The following SON variants were observed in gnomAD, a reference collection of about 807,000 sequenced individuals.
SON encodes the protein SON DNA and RNA binding protein.
A neutral mutation model predicts 173.3 loss-of-function variants in SON; 4 were observed. The ratio of observed to expected loss-of-function variants is 0.02; its 90% CI spans 0.01 to 0.05. The LOEUF (loss-of-function observed/expected upper bound fraction) is 0.05, where lower values mean the gene tolerates loss of function less well. Among genes scored for constraint, SON ranks in the 10% least tolerant of loss-of-function variants. SON has a pLI of 1.00. For missense variants in SON, 2,626 were observed against 3,055.3 expected (o/e 0.86, Z 3.31); for synonymous variants, 1,190 against 1,105.9 (o/e 1.08, Z -1.51).
chr21:33,557,901 A>T, intron 4 of SON: 1 of 234,522 alleles, frequency 4.3e-6, no homozygotes, highest in Non-Finnish European at 8.3e-6. Flanking sequence ...AAACACACTT[A>T]TTTTTGTTTT....
rs768919786 is a variant in SON at position 33,553,739 on chromosome 21, A to C, written c.4508A>C (p.Gln1503Pro). 1.2e-6 allele frequency: 2 copies of C among 1,613,974 alleles called. No homozygotes were observed. The highest frequency in any genetic ancestry group is 8.5e-7 in the Non-Finnish European group (1 of 1,179,876). Residue 1503 changes from glutamine (Q) to proline (P), a missense_variant, in exon 3 of 12, where the codon CAG becomes CCG. Around this residue, in one of 13 missense-constraint regions of SON, gnomAD observed 1,006 missense variants for 895.6 expected, o/e 1.12. Coordinates refer to ENST00000356577, the MANE Select transcript of SON (RefSeq NM_138927.4). ...DQNLAPEIGMQEIALHSGEEP... is the reference protein window; with the variant it reads ...DQNLAPEIGMPEIALHSGEEP... ...AATCTTGCTCCAGAGATTGGCATGCAGGAGATTGCATTGCATTCAGGTGAA... is the reference window on the plus strand; with the variant it reads ...AATCTTGCTCCAGAGATTGGCATGCCGGAGATTGCATTGCATTCAGGTGAA...
chr21:33,544,233 C>T (rs1028366228), intron 1 of SON, among the ~76,000 whole-genome samples: 7 of 152,196 alleles, frequency 4.6e-5, no homozygotes, highest in African/African-American at 1.7e-4. Flanking sequence ...TGTATTATTG[C>T]TAGAATTATC....
At chr21:33,569,389 A>G (rs1404959916) in intron 8 of SON, 1 of 353,084 alleles carries the variant, frequency 2.8e-6, no homozygotes, top group African/African-American at 2.2e-5. Flanking sequence ...GCTGTTCAGA[A>G]TATTCCACAG....
chr21:33,555,374 A>G lies in SON; in HGVS notation c.6143A>G (p.Lys2048Arg). The G allele has an allele frequency of 6.4e-7, 1 of 1,554,264 alleles. No individual in the cohort carries two copies. The highest frequency in any genetic ancestry group is 8.7e-7 in the Non-Finnish European group (1 of 1,147,348). ...SRSSERGRSPKRLTDLDKAQL... is the reference protein window; with the variant it reads ...SRSSERGRSPRRLTDLDKAQL... ...TCTTCTGAACGAGGCAGATCACCCA[A>G]ACGTCTGACAGATTTGGGTGAGTCA... Residue 2048 changes from lysine to arginine, a missense_variant, in exon 3 of 12, where the codon AAA (lysine) becomes AGA (arginine). Transcript: ENST00000356577.
rs1447140164 is a variant in SON at position 33,543,252 on chromosome 21, C to T, written c.77+83C>T. ...TCTTTGGCACCTTTCTTCGGAGACGCAGTCGTTCCCCGGCTCAGGCCCCGC... is the reference window on the plus strand; with the variant it reads ...TCTTTGGCACCTTTCTTCGGAGACGTAGTCGTTCCCCGGCTCAGGCCCCGC... On this transcript the variant is annotated intron_variant, in intron 1 of 11. Coordinates refer to ENST00000356577, the MANE Select transcript of SON (RefSeq NM_138927.4). 2.3e-6 allele frequency: 3 copies of T among 1,317,640 alleles called. No homozygotes were observed. In the East Asian group the frequency reaches 6.9e-5, roughly 30 times the overall value. The allele number at this position is 1,317,640 out of a possible 1,614,324, so 81.6% of individuals were successfully genotyped here.
At chr21:33,557,735 T>C in intron 4 of SON, 1 of 1,415,482 alleles carries the variant, frequency 7.1e-7, no homozygotes, top group East Asian at 2.6e-5. Context: ...CACCGGAGCT[T>C]GGAAATTAAT....
chr21:33,572,611 C>G (rs1441255661), intron 8 of SON: 1 of 1,303,716 alleles, frequency 7.7e-7, no homozygotes, highest in Non-Finnish European at 1.0e-6. Context: ...ATTCACAACA[C>G]TGCTGCTACC....
intron 6 of SON, chr21:33,560,339 C>T (rs2086048163): frequency 7.6e-7 from 1 of 1,310,736 alleles, no homozygotes; most frequent in East Asian, 3.0e-5. Context: ...GCTACCTTGG[C>T]CCTTTTAAAT....
At chr21:33,560,079 A>G (rs960681006) in intron 6 of SON, 2 of 1,614,108 alleles carry the variant, frequency 1.2e-6, no homozygotes, top group Non-Finnish European at 1.7e-6. Flanking sequence ...AGGTACAACT[A>G]TTTAGCTTCC....
chr21:33,556,711 CAAAAA>C (rs375685900), intron 3 of SON, among the ~76,000 whole-genome samples: 2 of 102,658 alleles, frequency 1.9e-5, no homozygotes, highest in Admixed American at 9.9e-5. Context: ...GAGACTGTCT[CAAAAA>C]AAAAAAAAAA....
In SON at chr21:33,553,486, G is replaced by C. The variant is rs745396554; in HGVS notation, c.4255G>C (p.Val1419Leu). The C allele has an allele frequency of 4.3e-6, 7 of 1,614,224 alleles. No homozygotes were observed. The Admixed American group carries it at 8.3e-5, about 19-fold the overall frequency. Reference sequence around the variant, plus strand: ...TTCTGCGCTGGAGCCTTCTGTGCCTGTTCTGGAACCAGCGGTGTCAGTCCT... The same window carrying C: ...TTCTGCGCTGGAGCCTTCTGTGCCTCTTCTGGAACCAGCGGTGTCAGTCCT... ...VVSALEPSVPVLEPAVSVLQP... is the reference protein window; with the variant it reads ...VVSALEPSVPLLEPAVSVLQP... Residue 1419 changes from valine to leucine, a missense_variant, in exon 3 of 12, where the codon GTT becomes CTT. Physicochemically the swap from Val to Leu is conservative, Grantham distance 32. Around this residue, in one of 13 missense-constraint regions of SON, gnomAD observed 1,006 missense variants for 895.6 expected, o/e 1.12. Coordinates refer to ENST00000356577, the MANE Select transcript of SON (RefSeq NM_138927.4).
Position 33,553,597 on chromosome 21 carries a change from G to A in SON, c.4366G>A (p.Glu1456Lys). Residue 1456 changes from glutamate to lysine, a missense_variant, in exon 3 of 12, where the codon GAG becomes AAG. By Grantham distance (56) the Glu-to-Lys change is moderately conservative (BLOSUM62 1). This residue lies in a region of SON where 1,006 missense variants were observed against 895.6 expected (regional missense o/e 1.12). Coordinates refer to ENST00000356577, the MANE Select transcript of SON (RefSeq NM_138927.4). ...TTCAGAGCCTGCTGTCACAGTCTCA[G>A]AGCAGACTCAAGTAATACCAACTGA... ...TVSEPAVTVS[E>K]QTQVIPTEVA... is the part of the protein sequence containing the mutation. The A allele has an allele frequency of 1.2e-6, 2 of 1,614,026 alleles. No homozygotes were observed. Among genetic ancestry groups the A allele is most frequent in the Admixed American group, 3.3e-5 (2 of 60,006 alleles).
Position 33,551,266 on chromosome 21 carries a change from A to G in SON, c.2035A>G (p.Thr679Ala). 6.2e-7 allele frequency: 1 copy of G among 1,614,142 alleles called. No homozygotes were observed. The highest frequency in any genetic ancestry group is 1.1e-5 in the South Asian group (1 of 91,090). Reference protein sequence around the residue: ...VSQSLEVPSTTALESYNTVAQ... With the variant: ...VSQSLEVPSTAALESYNTVAQ... ...GCAGTCCCTGGAGGTGCCCTCGACG[A>G]CAGCGCTGGAATCCTATAATACGGT... Residue 679 changes from threonine (T) to alanine (A), a missense_variant, in exon 3 of 12, where the codon ACA becomes GCA. Physicochemically the swap from Thr to Ala is moderately conservative, Grantham distance 58 (BLOSUM62 0). Coordinates refer to ENST00000356577, the MANE Select transcript of SON (RefSeq NM_138927.4).
Position 33,551,655 on chromosome 21 carries a change from C to A in SON, c.2424C>A (p.Thr808=). 1.2e-6 allele frequency: 2 copies of A among 1,608,650 alleles called. No homozygotes were observed. Among genetic ancestry groups the A allele is most frequent in the Non-Finnish European group, 1.7e-6 (2 of 1,178,854 alleles). Residue 808 remains threonine (T), a synonymous_variant, in exon 3 of 12, where the codon ACC becomes ACA. Transcript: ENST00000356577. The part of the protein sequence containing the change: ...TSSMDSQMLA[T]SSMDSQMLAT... Reference sequence around the variant, plus strand: ...CCATGGACTCCCAGATGTTAGCAACCAGCTCCATGGACTCCCAGATGTTAG... The same window carrying A: ...CCATGGACTCCCAGATGTTAGCAACAAGCTCCATGGACTCCCAGATGTTAG...
At chr21:33,569,117 C>G (rs373755035) in intron 8 of SON, 30 bp downstream of exon 8, 2 of 1,339,566 alleles carry the variant, frequency 1.5e-6, no homozygotes, top group Non-Finnish European at 2.1e-6. Flanking sequence ...ATGAAAGTGT[C>G]GAACAAAAAG....
chr21:33,576,005 T>C, intron 11 of SON, 112 bp downstream of exon 11: 1 of 585,934 alleles, frequency 1.7e-6, no homozygotes, highest in Admixed American at 3.4e-5. Flanking sequence ...GGGGGGTTTG[T>C]ATTTGTAGTT....
chr21:33,547,257 C>T (rs2085639725), intron 2 of SON, among the ~76,000 whole-genome samples: 1 of 152,178 alleles, frequency 6.6e-6, no homozygotes. Context: ...GCTGGGATTA[C>T]AGGCGTGAGC....
chr21:33,552,724 C>A lies in SON; in HGVS notation c.3493C>A (p.Pro1165Thr). ...AATGCCACCGTTGCCACCTGAGGAGCCACCAATGACACCACCATTGCCTCC... is the reference window on the plus strand; with the variant it reads ...AATGCCACCGTTGCCACCTGAGGAGACACCAATGACACCACCATTGCCTCC... ...PTMPPLPPEEPPMTPPLPPEE... is the reference protein window; with the variant it reads ...PTMPPLPPEETPMTPPLPPEE... Residue 1165 changes from proline (P) to threonine (T), a missense_variant, in exon 3 of 12, where the codon CCA (proline) becomes ACA (threonine). Coordinates refer to ENST00000356577, the MANE Select transcript of SON (RefSeq NM_138927.4). The surrounding 1 kb of genome is among the most constrained non-coding windows in gnomAD (Gnocchi z 5.6). 1 of 1,613,990 alleles carries A rather than the reference C, an allele frequency of 6.2e-7. No homozygotes were observed. Among genetic ancestry groups the A allele is most frequent in the Non-Finnish European group, 8.5e-7 (1 of 1,180,028 alleles).
In SON at chr21:33,551,399, C is replaced by A; in HGVS notation, c.2168C>A (p.Thr723Asn). 6.2e-7 allele frequency: 1 copy of A among 1,614,124 alleles called. No homozygotes were observed. The change falls in exon 3 of 12, where the codon ACC becomes AAC. Residue 723 changes from threonine (T) to asparagine (N), a missense_variant. Physicochemically the swap from Thr to Asn is moderately conservative, Grantham distance 65. Around this residue, in one of 13 missense-constraint regions of SON, gnomAD observed 182 missense variants for 193.6 expected, o/e 0.94. Transcript: ENST00000356577. ...ATATTAGCTTCTAACACCATGGAGA[C>A]CCATATATTAGCATCCAACACCATG... ...SHILASNTME[T>N]HILASNTMDS...
Sources: gnomAD v4.1 joint callset for allele counts (sites outside exome capture counted in the v4.1 genomes callset) on GRCh38, gnomAD v4.1.1 for gene constraint, gnomAD v4.1.1 regional missense constraint, Gnocchi (gnomAD v3.1) non-coding constraint, MANE v1.5 for transcripts, NCBI Gene and HGNC (gene_info 2026-07-23, HGNC 2026-07-21) for gene names.